Variants in TPP2 observed in about 807,000 individuals in gnomAD.
The protein encoded by TPP2 is tripeptidyl-peptidase 2.
A neutral mutation model predicts 155.9 loss-of-function variants in TPP2; 34 were observed. That is an observed-to-expected ratio of 0.22 (90% CI 0.17 to 0.29). TPP2 has a LOEUF of 0.29. Ranked by LOEUF, TPP2 falls within the 10% of genes least tolerant of loss-of-function variation. The pLI, the probability that TPP2 is intolerant of heterozygous loss-of-function variation, is 1.00. For missense variants in TPP2, 1,028 were observed against 1,522.3 expected, an observed-to-expected ratio of 0.68 and a Z score of 5.40; for synonymous variants, 510 against 529.4, an observed-to-expected ratio of 0.96 and a Z score of 0.50.
Position 102,663,649 on chromosome 13 carries a change from C to A in TPP2, c.3145C>A (p.Leu1049Met). 1.3e-6 allele frequency: 2 copies of A among 1,593,774 alleles called. No homozygotes were observed. The highest frequency in any genetic ancestry group is 1.7e-6 in the Non-Finnish European group (2 of 1,172,102). ...TTTCTCTCCTTCTTACATACATAGG[C>A]TGGATTCTAGTGACATTTATAACGA... The part of the protein sequence containing the change: ...RDLKIQWMTK[L>M]DSSDIYNELK... Residue 1049 changes from leucine (L) to methionine (M), a missense_variant and splice_region_variant, in exon 26 of 30, where the codon CTG becomes ATG. Leu to Met is a conservative substitution (Grantham distance 15). Transcript: ENST00000376052.
chr13:102,647,335 T>C lies in TPP2; in HGVS notation c.2619T>C (p.Tyr873=). The C allele has an allele frequency of 1.2e-6, 2 of 1,611,378 alleles. No individual in the cohort carries two copies. Among genetic ancestry groups the C allele is most frequent in the Non-Finnish European group, 1.7e-6 (2 of 1,179,344 alleles). Reference sequence around the variant, plus strand: ...GACAGATGGGTTCAGGCGATGCCTATCCACATCAGGTATAAAATTGATGGT... The same window carrying C: ...GACAGATGGGTTCAGGCGATGCCTACCCACATCAGGTATAAAATTGATGGT... ...NKRQMGSGDA[Y]PHQYSLKLEK... is the part of the protein sequence containing the mutation. Residue 873 remains tyrosine (Y), a synonymous_variant, in exon 21 of 30, where the codon TAT becomes TAC. Transcript: ENST00000376052.
chr13:102,640,644 T>A (rs945795758), intron 16 of TPP2, among the ~76,000 whole-genome samples: 12 of 35,700 alleles, frequency 3.4e-4, no homozygotes, highest in African/African-American at 1.9e-3. Flanking sequence ...GGTAATAATT[T>A]TTTTTTTTTT....
Position 102,597,265 on chromosome 13 carries a change from C to G in TPP2, c.165+62C>G, listed in dbSNP as rs1485060182. On this transcript the variant is annotated intron_variant, in intron 1 of 29. Coordinates refer to ENST00000376052, the MANE Select transcript of TPP2 (RefSeq NM_001330588.2). ...GGGCGGCCGGGGACGCGGGTGGGGA[C>G]ACAGTCTCGGAGCCCGGCAGGCCAA... The G allele has an allele frequency of 7.9e-6, 8 of 1,014,134 alleles. No individual in the cohort carries two copies. The Admixed American group carries it at 3.4e-4, about 43-fold the overall frequency. 62.8% of individuals were successfully genotyped at this position (1,014,134 alleles called of 1,614,324 possible).
intron 6 of TPP2, among the ~76,000 whole-genome samples, chr13:102,626,431 T>C (rs148719386): frequency 6.6e-5 from 10 of 152,334 alleles, no homozygotes; most frequent in Admixed American, 2.0e-4. Context: ...TTTTAAGTTT[T>C]TGAATTTTAT....
chr13:102,647,228 C>G lies in TPP2; in HGVS notation c.2512C>G (p.Pro838Ala), dbSNP rs1883168884. Residue 838 changes from proline to alanine, a missense_variant, in exon 21 of 30, where the codon CCA (proline) becomes GCA (alanine). Coordinates refer to ENST00000376052, the MANE Select transcript of TPP2 (RefSeq NM_001330588.2). ...ATAGCCCAAGAGTGGGGAAGTAACT[C>G]CAAGCTGCCCACTACTTTGTGAACT... ...FHQPKSGEVT[P>A]SCPLLCELLY... The G allele has an allele frequency of 1.2e-6, 2 of 1,612,668 alleles. No individual in the cohort carries two copies. The highest frequency in any genetic ancestry group is 1.7e-6 in the Non-Finnish European group (2 of 1,179,452).
intron 25 of TPP2, among the ~76,000 whole-genome samples, chr13:102,662,287 G>A (rs1884280586): frequency 6.6e-6 from 1 of 152,154 alleles, no homozygotes. Context: ...AAAAGGGTAT[G>A]GCGGTTTCTT....
rs566739450 is a variant in TPP2 at position 102,597,026 on chromosome 13, C to A, written c.-13C>A. On this transcript the variant is annotated 5_prime_UTR_variant, in exon 1 of 30. Transcript: ENST00000376052. Reference sequence around the variant, plus strand: ...TGGCAGTTTGCCGCTTCCTCGTCCTCCATCCTGCGTCCATGGCCACCGCTG... The same window carrying A: ...TGGCAGTTTGCCGCTTCCTCGTCCTACATCCTGCGTCCATGGCCACCGCTG... 3 of 1,610,934 alleles carry A rather than the reference C, an allele frequency of 1.9e-6. No individual in the cohort carries two copies. The Admixed American group carries it at 5.0e-5, about 27-fold the overall frequency.
intron 9 of TPP2, 45 bp downstream of exon 9, chr13:102,629,654 A>G (rs763986065): frequency 6.5e-7 from 1 of 1,540,706 alleles, no homozygotes; most frequent in East Asian, 2.4e-5. Context: ...AAACAAGCAA[A>G]CAAAAAACAA....
In TPP2 at chr13:102,655,054, A is replaced by G. The variant is rs553523745; in HGVS notation, c.2992-2002A>G. ...TCTGGCCCCCTGACCTCAGAGGGAGAATGACAGCCAGTGGCTACAAATGGA... is the reference window on the plus strand; with the variant it reads ...TCTGGCCCCCTGACCTCAGAGGGAGGATGACAGCCAGTGGCTACAAATGGA... On this transcript the variant is annotated intron_variant, in intron 24 of 29. Transcript: ENST00000376052. 1.2e-5 allele frequency: 6 copies of G among 493,390 alleles called. 1 individual carries two copies. Among genetic ancestry groups the G allele is most frequent in the South Asian group, 7.4e-5 (5 of 67,498 alleles). 30.6% of individuals were successfully genotyped at this position (493,390 alleles called of 1,614,324 possible).
chr13:102,639,333 T>G (rs17634680), intron 15 of TPP2, among the ~76,000 whole-genome samples: 5,964 of 152,198 alleles, frequency 0.039, 170 homozygotes, highest in East Asian at 0.15. Context: ...AAGTATGCAA[T>G]AGATCTCAGC....
chr13:102,626,470 G>T (rs1881634123), intron 6 of TPP2, among the ~76,000 whole-genome samples: 1 of 152,060 alleles, frequency 6.6e-6, no homozygotes, highest in South Asian at 2.1e-4. Context: ...CATTTTTGTG[G>T]GTGTCTTAGT....
intron 1 of TPP2, among the ~76,000 whole-genome samples, chr13:102,601,645 C>T (rs1425450654): frequency 2.0e-5 from 3 of 152,190 alleles, no homozygotes; most frequent in African/African-American, 7.2e-5. Flanking sequence ...CCCTCTTTCC[C>T]ATGTGAAGCC....
At chr13:102,599,515 C>A (rs972057302) in intron 1 of TPP2, among the ~76,000 whole-genome samples, 1 of 152,024 alleles carries the variant, frequency 6.6e-6, no homozygotes, top group Admixed American at 6.5e-5. Context: ...GCTGAACTGG[C>A]AGTTTGGAAA....
At chr13:102,639,753 T>C (rs958839729) in intron 15 of TPP2, among the ~76,000 whole-genome samples, 4 of 152,254 alleles carry the variant, frequency 2.6e-5, no homozygotes, top group Non-Finnish European at 4.4e-5. Context: ...TGGGTAGTTA[T>C]GCATTTGAAC....
chr13:102,629,687 A>G (rs1309035894), intron 9 of TPP2, 78 bp downstream of exon 9: 3 of 1,495,186 alleles, frequency 2.0e-6, no homozygotes, highest in Non-Finnish European at 1.8e-6. Context: ...TGTTACCTGT[A>G]TCTCTGCTAC....
chr13:102,601,609 C>T (rs758881913), intron 1 of TPP2, among the ~76,000 whole-genome samples: 8 of 152,160 alleles, frequency 5.3e-5, no homozygotes, highest in East Asian at 3.9e-4. Flanking sequence ...AAGCTCTTAC[C>T]GATACTAACT....
At chr13:102,635,211 G>A (rs778494286) in intron 11 of TPP2, among the ~76,000 whole-genome samples, 1 of 152,152 alleles carries the variant, frequency 6.6e-6, no homozygotes, top group Non-Finnish European at 1.5e-5. Context: ...TTCCCCTGGG[G>A]TTTATAACAT....
chr13:102,658,642 T>C (rs1884006870), intron 25 of TPP2, among the ~76,000 whole-genome samples: 1 of 152,184 alleles, frequency 6.6e-6, no homozygotes, highest in Admixed American at 6.5e-5. Flanking sequence ...CCTACAAGAA[T>C]TGGATAAGAA....
intron 19 of TPP2, among the ~76,000 whole-genome samples, chr13:102,645,677 C>T (rs964750407): frequency 3.3e-5 from 5 of 152,186 alleles, no homozygotes; most frequent in African/African-American, 1.2e-4. Flanking sequence ...CTGATGTTTT[C>T]TTCCTAAATC....
Sources: allele counts gnomAD v4.1 joint callset (sites outside exome capture counted in the v4.1 genomes callset), GRCh38; gene constraint gnomAD v4.1.1; transcripts MANE v1.5; gene names NCBI Gene and HGNC (gene_info 2026-07-23, HGNC 2026-07-21).